Variants in CCSER1 observed in about 807,000 individuals in gnomAD.
CCSER1 encodes serine-rich coiled-coil domain-containing protein 1.
CCSER1 carries 41 observed loss-of-function variants against 82.0 expected under a neutral mutation model. The ratio of observed to expected loss-of-function variants is 0.50; its 90% CI spans 0.39 to 0.65. CCSER1 has a LOEUF of 0.65. Among genes scored for constraint, CCSER1 ranks in the 30% least tolerant of loss-of-function variants. The pLI, the probability that CCSER1 is intolerant of heterozygous loss-of-function variation, is 0.00. For synonymous variants in CCSER1, 414 were observed against 383.9 expected, an observed-to-expected ratio of 1.08 and a Z score of -0.92; for missense variants, 1,119 against 1,064.2, an observed-to-expected ratio of 1.05 and a Z score of -0.72.
intron 8 of CCSER1, among the ~76,000 whole-genome samples, chr4:90,863,209 G>A (rs961503213): frequency 2.0e-5 from 3 of 151,736 alleles, no homozygotes; most frequent in Middle Eastern, 3.4e-3. Flanking sequence ...TTGTCCTTGC[G>A]ATAGTTTCCT....
At chr4:91,157,131 T>G (rs1730896854) in intron 10 of CCSER1, among the ~76,000 whole-genome samples, 1 of 151,920 alleles carries the variant, frequency 6.6e-6, no homozygotes, top group South Asian at 2.1e-4. Flanking sequence ...TTGTATAATT[T>G]GCCCTCTAGA....
intron 5 of CCSER1, among the ~76,000 whole-genome samples, chr4:90,564,698 T>TTTA (rs879294651): frequency 0.026 from 4,021 of 151,956 alleles, 138 homozygotes; most frequent in South Asian, 0.088. Flanking sequence ...TTTTTTTTTT[T>TTTA]AATATGGTGT....
intron 6 of CCSER1, among the ~76,000 whole-genome samples, chr4:90,653,461 G>GT (rs1729151711): frequency 6.6e-6 from 1 of 151,790 alleles, no homozygotes. Flanking sequence ...TTAATGAAAC[G>GT]TAAGTATTGA....
At chr4:90,460,049 G>A (rs1016526036) in intron 4 of CCSER1, among the ~76,000 whole-genome samples, 1 of 146,314 alleles carries the variant, frequency 6.8e-6, no homozygotes, top group African/African-American at 2.8e-5. Flanking sequence ...TAAGGCGGCC[G>A]GGCGCGGTGG....
chr4:91,184,321 A>G (rs1005698545), intron 10 of CCSER1, among the ~76,000 whole-genome samples: 2 of 152,256 alleles, frequency 1.3e-5, no homozygotes, highest in African/African-American at 4.8e-5. Context: ...TACTGCAGGA[A>G]TTGTAAATGC....
At chr4:90,965,742 A>T (rs765219938) in intron 9 of CCSER1, among the ~76,000 whole-genome samples, 1 of 152,118 alleles carries the variant, frequency 6.6e-6, no homozygotes, top group South Asian at 2.1e-4. Flanking sequence ...AAAATGTCCA[A>T]TTGCCAAAAA....
chr4:91,239,117 GC>G (rs1328589951), intron 10 of CCSER1, among the ~76,000 whole-genome samples: 1 of 149,944 alleles, frequency 6.7e-6, no homozygotes, highest in African/African-American at 2.5e-5. Flanking sequence ...GAGCCACTGC[GC>G]CCGGCCTATT....
At chr4:91,382,711 G>A (rs539102549) in intron 10 of CCSER1, among the ~76,000 whole-genome samples, 16 of 152,202 alleles carry the variant, frequency 1.1e-4, no homozygotes, top group African/African-American at 3.9e-4. Flanking sequence ...TGCACCCACT[G>A]TCCTGCACCC....
intron 9 of CCSER1, among the ~76,000 whole-genome samples, chr4:91,083,924 G>A (rs1723085752): frequency 6.6e-6 from 1 of 152,052 alleles, no homozygotes; most frequent in African/African-American, 2.4e-5. Context: ...AAAATTGAGG[G>A]TCAGAAAAAC....
intron 10 of CCSER1, among the ~76,000 whole-genome samples, chr4:91,473,421 C>T (rs990658592): frequency 5.3e-5 from 8 of 151,882 alleles, no homozygotes; most frequent in East Asian, 1.9e-4. Flanking sequence ...GTACTGGTCT[C>T]GTTAGTCAGA....
intron 1 of CCSER1, among the ~76,000 whole-genome samples, chr4:90,189,612 GTTCC>G (rs1022003788): frequency 5.3e-5 from 8 of 151,800 alleles, no homozygotes; most frequent in Non-Finnish European, 1.0e-4. Context: ...TATTCGTAAT[GTTCC>G]TTTTTTCTTA....
In CCSER1 at chr4:91,369,661, C is replaced by CTT. The variant is rs573494038; in HGVS notation, c.2218-228884_2218-228883dup. On this transcript the variant is annotated intron_variant, in intron 10 of 10. Coordinates refer to ENST00000509176, the MANE Select transcript of CCSER1 (RefSeq NM_001145065.2). ...GTCCCAGGTCCAAATTAATCTGTAG[C>CTT]TTTTTTTTTTTTTTTTTTTTTTTTT... 9.5e-4 allele frequency among the ~76,000 whole-genome samples: 70 copies of CTT among 73,464 alleles called. 7 individuals are homozygous for CTT. The highest frequency in any genetic ancestry group is 1.4e-3 in the Non-Finnish European group (61 of 42,476). 48.2% of individuals were successfully genotyped at this position (73,464 alleles called of 152,430 possible).
chr4:91,579,763 G>C (rs949317982), intron 10 of CCSER1, among the ~76,000 whole-genome samples: 6 of 151,864 alleles, frequency 4.0e-5, no homozygotes, highest in African/African-American at 1.4e-4. Context: ...AGCATGAATA[G>C]GGGATTAACC....
rs369145551 is a variant in CCSER1, at chr4:91,385,595, G to A, written c.2218-212977G>A. On this transcript the variant is annotated intron_variant, in intron 10 of 10. Coordinates refer to ENST00000509176, the MANE Select transcript of CCSER1 (RefSeq NM_001145065.2). ...AACTGATAAGCCAGTGAACACAATTGTTTTCAAATGAATAGCATTAGTAAA... is the reference window on the plus strand; with the variant it reads ...AACTGATAAGCCAGTGAACACAATTATTTTCAAATGAATAGCATTAGTAAA... Among the ~76,000 whole-genome samples, 63 of 151,520 alleles carry A rather than the reference G, an allele frequency of 4.2e-4. No individual in the cohort carries two copies. In the East Asian group the frequency reaches 0.012, roughly 29 times the overall value.
At chr4:91,160,260 G>T (rs534648617) in intron 10 of CCSER1, among the ~76,000 whole-genome samples, 2 of 152,260 alleles carry the variant, frequency 1.3e-5, no homozygotes, top group South Asian at 4.1e-4. Context: ...ATTCCATGAT[G>T]TATATGTGCC....
intron 10 of CCSER1, among the ~76,000 whole-genome samples, chr4:91,098,744 T>C (rs1724756964): frequency 6.6e-6 from 1 of 152,094 alleles, no homozygotes; most frequent in African/African-American, 2.4e-5. Context: ...GGTTTCACCA[T>C]GTTAGCCAGG....
intron 1 of CCSER1, among the ~76,000 whole-genome samples, chr4:90,172,583 T>G (rs1731913834): frequency 6.6e-6 from 1 of 151,840 alleles, no homozygotes; most frequent in Non-Finnish European, 1.5e-5. Flanking sequence ...TTAATTTCAT[T>G]TTATTATGCA....
chr4:91,466,515 A>T (rs1578534136), intron 10 of CCSER1, among the ~76,000 whole-genome samples: 1 of 152,188 alleles, frequency 6.6e-6, no homozygotes, highest in East Asian at 1.9e-4. Context: ...GCAATCAGGC[A>T]AGAGAAAGAA....
chr4:90,748,114 C>T (rs1224151574), intron 7 of CCSER1, among the ~76,000 whole-genome samples: 4 of 137,244 alleles, frequency 2.9e-5, no homozygotes. Flanking sequence ...TATACATGTG[C>T]CATGCTGGTG....
Sources: allele counts gnomAD v4.1 joint callset (sites outside exome capture counted in the v4.1 genomes callset), GRCh38; gene constraint gnomAD v4.1.1; transcripts MANE v1.5; gene names NCBI Gene and HGNC (gene_info 2026-07-23, HGNC 2026-07-21).